EFHB: variants seen among roughly 807,000 people sequenced by gnomAD.
EFHB encodes EF-hand domain-containing family member B.
Under a neutral mutation model 87.2 loss-of-function variants are expected in EFHB, and 91 were observed. The ratio of observed to expected loss-of-function variants is 1.04; its 90% CI spans 0.88 to 1.24. The LOEUF (loss-of-function observed/expected upper bound fraction) is 1.24. Ranked by LOEUF, EFHB falls within the 50% of genes most tolerant of loss-of-function variation. The pLI, the probability that EFHB is intolerant of heterozygous loss-of-function variation, is 0.00. For synonymous variants in EFHB, 325 were observed against 333.6 expected (o/e 0.97, Z 0.28); for missense variants, 1,084 against 998.8 (o/e 1.09, Z -1.15).
chr3:19,895,863 T>C (rs1470292883), intron 9 of EFHB, among the ~76,000 whole-genome samples: 1 of 152,218 alleles, frequency 6.6e-6, no homozygotes, highest in Non-Finnish European at 1.5e-5. Flanking sequence ...AATGGCAGTT[T>C]CTTATAGTGC....
chr3:19,912,831 C>A (rs1328864656), intron 5 of EFHB, among the ~76,000 whole-genome samples: 1 of 152,158 alleles, frequency 6.6e-6, no homozygotes, highest in African/African-American at 2.4e-5. Flanking sequence ...ATAATATTTG[C>A]AAGTCTCATG....
At chr3:19,944,519 T>C (rs895808351) in intron 1 of EFHB, among the ~76,000 whole-genome samples, 1 of 152,226 alleles carries the variant, frequency 6.6e-6, no homozygotes, top group Non-Finnish European at 1.5e-5. Flanking sequence ...ATATTGCAAG[T>C]GGCAATAAAA....
chr3:19,936,912 TAAA>T (rs1553636182), upstream of EFHB, among the ~76,000 whole-genome samples: 1 of 140,688 alleles, frequency 7.1e-6, no homozygotes, highest in Non-Finnish European at 1.6e-5. Context: ...AATAAATAAA[TAAA>T]AAGTGAGAAG....
intron 10 of EFHB, among the ~76,000 whole-genome samples, chr3:19,884,924 A>C (rs1694040256): frequency 6.6e-5 from 10 of 152,002 alleles, no homozygotes. Flanking sequence ...TTAAAAAAAA[A>C]AAAAAAAAAT....
At chr3:19,930,239 A>G (rs1370139740) in intron 1 of EFHB, among the ~76,000 whole-genome samples, 1 of 152,228 alleles carries the variant, frequency 6.6e-6, no homozygotes, top group Non-Finnish European at 1.5e-5. Flanking sequence ...TATAATCAAA[A>G]TAAATATTTT....
chr3:19,928,492 C>A (rs1695709126), intron 1 of EFHB, among the ~76,000 whole-genome samples: 1 of 152,166 alleles, frequency 6.6e-6, no homozygotes, highest in Non-Finnish European at 1.5e-5. Flanking sequence ...CGCTCTGTCG[C>A]CCAGGACAGT....
At chr3:19,918,907 T>G (rs2929364) in intron 3 of EFHB, among the ~76,000 whole-genome samples, 96,391 of 147,518 alleles carry the variant, frequency 0.65, 31,631 homozygotes, top group African/African-American at 0.69. Context: ...TTGAGCCCGG[T>G]AAGTGGAGGT....
intron 4 of EFHB, among the ~76,000 whole-genome samples, chr3:19,915,629 A>G (rs7610725): frequency 0.011 from 1,606 of 152,172 alleles, 11 homozygotes; most frequent in Non-Finnish European, 0.017. Context: ...TTAGAACTCT[A>G]TTATCACTGG....
At chr3:19,943,310 T>C (rs1696201724) in intron 1 of EFHB, 1 of 226,946 alleles carries the variant, frequency 4.4e-6, no homozygotes, top group South Asian at 7.2e-5. Flanking sequence ...GCAGGTCCTT[T>C]AAACAGGGTT....
At chr3:19,902,201 C>A (rs1694693973) in intron 6 of EFHB, among the ~76,000 whole-genome samples, 1 of 152,172 alleles carries the variant, frequency 6.6e-6, no homozygotes, top group Non-Finnish European at 1.5e-5. Context: ...CCAGTGAATT[C>A]ATTCGTTCAC....
intron 1 of EFHB, among the ~76,000 whole-genome samples, chr3:19,942,784 T>C (rs1696189678): frequency 6.6e-6 from 1 of 152,028 alleles, no homozygotes; most frequent in African/African-American, 2.4e-5. Flanking sequence ...CCTATGAGAA[T>C]CTAATGCTGC....
chr3:19,945,992 A>T (rs1366269625), intron 1 of EFHB: 1 of 152,136 alleles, frequency 6.6e-6, no homozygotes, highest in South Asian at 2.1e-4. Context: ...TTATCAAAAC[A>T]ATTTTTTTGG....
intron 1 of EFHB, chr3:19,940,813 C>CA (rs1559480506): frequency 2.6e-6 from 1 of 382,046 alleles, no homozygotes; most frequent in Non-Finnish European, 5.3e-6. Flanking sequence ...TGAAACTTGC[C>CA]AAGCAGGTTG....
chr3:19,906,061 C>T (rs1208975878), intron 5 of EFHB, among the ~76,000 whole-genome samples: 1 of 152,202 alleles, frequency 6.6e-6, no homozygotes, highest in Non-Finnish European at 1.5e-5. Context: ...TAGCTCATGC[C>T]TGTAATCCCA....
In EFHB at chr3:19,884,556, G is replaced by A. The variant is rs1332360038; in HGVS notation, c.1993C>T (p.Leu665Phe). The change falls in exon 11 of 13, where the codon CTC becomes TTC. Residue 665 changes from leucine to phenylalanine, a missense_variant. By Grantham distance (22) the Leu-to-Phe change is conservative. Coordinates refer to ENST00000295824, the MANE Select transcript of EFHB (RefSeq NM_144715.4). ...EANVEEPEQT[L>F]LIKPEDIVLK... is the part of the protein sequence containing the mutation. ...ACAATATCTTCTGGCTTTATGAGGA[G>A]AGTTTGTTCAGGTTCTTCAACATTA... The A allele has an allele frequency of 6.2e-7, 1 of 1,613,842 alleles. No homozygotes were observed. The highest frequency in any genetic ancestry group is 8.5e-7 in the Non-Finnish European group (1 of 1,179,890).
chr3:19,894,984 C>CAAAAA (rs574397425), intron 9 of EFHB: 1 of 120,038 alleles, frequency 8.3e-6, no homozygotes, highest in African/African-American at 4.1e-5. Context: ...GACTTTGTCT[C>CAAAAA]AAAAAATATA....
At chr3:19,887,053 T>C (rs914116687) in intron 10 of EFHB, among the ~76,000 whole-genome samples, 7 of 152,246 alleles carry the variant, frequency 4.6e-5, no homozygotes, top group Middle Eastern at 6.8e-3. Flanking sequence ...ATGTAGTTCA[T>C]AGAAACCAAA....
rs777914774 is a variant in EFHB, at chr3:19,933,615, C to T, written c.404G>A (p.Gly135Glu). Residue 135 changes from glycine to glutamate, a missense_variant, in exon 1 of 13, where the codon GGA becomes GAA. Transcript: ENST00000295824. ...CCTGCTCCCTGCAGCCTGTGAACTT[C>T]CACACACCCTGCCCAAAGGAGGCTG... is the stretch of plus-strand genomic sequence containing the variant. ...IIQPPLGRVC[G>E]SSQAAGSRRA... 1.2e-6 allele frequency: 2 copies of T among 1,614,022 alleles called. No homozygotes were observed. Among genetic ancestry groups the T allele is most frequent in the Non-Finnish European group, 1.7e-6 (2 of 1,179,888 alleles).
chr3:19,933,697 T>A lies in EFHB; in HGVS notation c.322A>T (p.Arg108Ter), dbSNP rs374486156. 79 of 1,613,890 alleles carry A rather than the reference T, an allele frequency of 4.9e-5. No homozygotes were observed. Among genetic ancestry groups the A allele is most frequent in the Non-Finnish European group, 6.4e-5 (75 of 1,179,898 alleles). ...AGACTCTCATTTTCTAACCCCATTC[T>A]TCCTGGCAACAGAGAAGGTTTTGTT... is the stretch of plus-strand genomic sequence containing the variant. ...QGTKPSLLPG[R>*]MGLENESLLA... Residue 108 changes from arginine (R) to a stop codon, truncating the protein, a stop_gained, in exon 1 of 13, where the codon AGA becomes TGA. Transcript: ENST00000295824. LOFTEE classifies it high-confidence loss of function.
Sources: gnomAD v4.1 joint callset for allele counts (sites outside exome capture counted in the v4.1 genomes callset) on GRCh38, gnomAD v4.1.1 for gene constraint, MANE v1.5 for transcripts, NCBI Gene and HGNC (gene_info 2026-07-23, HGNC 2026-07-21) for gene names.